The following CGGBP1 variants were observed in gnomAD, a reference collection of about 807,000 sequenced individuals.
CGGBP1 encodes CGG triplet repeat binding protein 1.
Under a neutral mutation model 11.4 loss-of-function variants are expected in CGGBP1, and 4 were observed. The observed-to-expected ratio is 0.35, with a 90% CI of 0.17 to 0.80. The LOEUF (loss-of-function observed/expected upper bound fraction) is 0.80, where lower values mean the gene tolerates loss of function less well. Ranked by LOEUF, CGGBP1 falls within the 30% of genes least tolerant of loss-of-function variation. The pLI, the probability that CGGBP1 is intolerant of heterozygous loss-of-function variation, is 0.52. For synonymous variants in CGGBP1, 76 were observed against 74.1 expected, an observed-to-expected ratio of 1.03 and a Z score of -0.13; for missense variants, 135 against 202.1, an observed-to-expected ratio of 0.67 and a Z score of 2.01.
intron 1 of CGGBP1, among the ~76,000 whole-genome samples, 158 bp from the exon 2 acceptor site, chr3:88,058,381 T>C (rs1428254163): frequency 6.6e-6 from 1 of 152,174 alleles, no homozygotes; most frequent in Non-Finnish European, 1.5e-5. Context: ...ACCCTAACAC[T>C]TCCCCTCCCA....
intron 2 of CGGBP1, among the ~76,000 whole-genome samples, chr3:88,101,999 A>G (rs2107720628): frequency 6.6e-6 from 1 of 151,516 alleles, no homozygotes; most frequent in Non-Finnish European, 1.5e-5. Context: ...AAATTGTATT[A>G]TTTGTCATCT....
upstream of CGGBP1, among the ~76,000 whole-genome samples, chr3:88,062,194 T>C (rs1706924254): frequency 6.6e-6 from 1 of 152,116 alleles, no homozygotes; most frequent in Non-Finnish European, 1.5e-5. Context: ...GGATGAAAGG[T>C]AGGGGAAAGT....
chr3:88,122,130 C>T (rs1204157948), intron 2 of CGGBP1, among the ~76,000 whole-genome samples: 3 of 151,992 alleles, frequency 2.0e-5, no homozygotes, highest in Non-Finnish European at 1.5e-5. Flanking sequence ...ATTAAGGTAG[C>T]TAGTAGAAGC....
chr3:88,065,545 A>G (rs1707148069), intron 2 of CGGBP1, among the ~76,000 whole-genome samples: 1 of 152,310 alleles, frequency 6.6e-6, no homozygotes, highest in Non-Finnish European at 1.5e-5. Context: ...ACCTTTGTAA[A>G]TAAAAAGACT....
intron 2 of CGGBP1, among the ~76,000 whole-genome samples, chr3:88,068,177 A>T (rs1427569845): frequency 6.6e-6 from 1 of 151,692 alleles, no homozygotes; most frequent in African/African-American, 2.4e-5. Flanking sequence ...GATCATTGTG[A>T]ATGCAGAGTG....
At chr3:88,099,508 C>G (rs995934423) in intron 2 of CGGBP1, among the ~76,000 whole-genome samples, 14 of 151,994 alleles carry the variant, frequency 9.2e-5, no homozygotes, top group African/African-American at 3.4e-4. Context: ...AAAAAGAGCC[C>G]GCATTGCCAA....
chr3:88,079,757 CTT>C (rs1707987863), intron 2 of CGGBP1, among the ~76,000 whole-genome samples: 1 of 151,998 alleles, frequency 6.6e-6, no homozygotes, highest in Admixed American at 6.6e-5. Flanking sequence ...AAGATTCTGT[CTT>C]ATTACATTTA....
chr3:88,105,849 G>T (rs560191326), intron 2 of CGGBP1, among the ~76,000 whole-genome samples: 14 of 152,286 alleles, frequency 9.2e-5, no homozygotes, highest in Non-Finnish European at 2.1e-4. Context: ...AATTGGAATT[G>T]TAACAGTATT....
At chr3:88,127,764 T>C (rs1706206611) in intron 2 of CGGBP1, among the ~76,000 whole-genome samples, 1 of 152,178 alleles carries the variant, frequency 6.6e-6, no homozygotes, top group Non-Finnish European at 1.5e-5. Flanking sequence ...TAAATACTCC[T>C]TTGATACCTA....
intron 2 of CGGBP1, among the ~76,000 whole-genome samples, chr3:88,116,511 C>G (rs929513823): frequency 6.7e-6 from 1 of 149,238 alleles, no homozygotes; most frequent in African/African-American, 2.5e-5. Context: ...GCAACAAGAG[C>G]GAAACTCTGT....
intron 2 of CGGBP1, among the ~76,000 whole-genome samples, chr3:88,092,158 A>C (rs2107682030): frequency 6.6e-6 from 1 of 152,340 alleles, no homozygotes; most frequent in South Asian, 2.1e-4. Flanking sequence ...ATGGGGAAAT[A>C]GCAACATGTT....
At chr3:88,065,019 GATA>G (rs1182627839) in intron 2 of CGGBP1, among the ~76,000 whole-genome samples, 5 of 152,166 alleles carry the variant, frequency 3.3e-5, no homozygotes, top group African/African-American at 4.8e-5. Flanking sequence ...TAATTGCATT[GATA>G]ATAATTTTTA....
At chr3:88,144,985 G>A (rs551756349) in intron 1 of CGGBP1, among the ~76,000 whole-genome samples, 155 of 151,948 alleles carry the variant, frequency 1.0e-3, no homozygotes, top group African/African-American at 3.5e-3. Context: ...AGTAGGTGTC[G>A]GAACTCTCCG....
intron 2 of CGGBP1, among the ~76,000 whole-genome samples, chr3:88,088,877 A>G (rs1339967345): frequency 2.0e-5 from 3 of 151,872 alleles, no homozygotes; most frequent in African/African-American, 7.2e-5. Context: ...GGTTCAAGCA[A>G]TTCTCCTGCC....
intron 2 of CGGBP1, among the ~76,000 whole-genome samples, chr3:88,133,670 ACTC>A (rs1207673151): frequency 6.6e-6 from 1 of 152,028 alleles, no homozygotes; most frequent in Non-Finnish European, 1.5e-5. Flanking sequence ...AAATCCTGAA[ACTC>A]CTAACTCTAC....
intron 2 of CGGBP1, among the ~76,000 whole-genome samples, chr3:88,072,001 C>T (rs1707543847): frequency 6.6e-6 from 1 of 152,206 alleles, no homozygotes; most frequent in South Asian, 2.1e-4. Context: ...TACTATCAAT[C>T]AGTTGAATAT....
intron 1 of CGGBP1, among the ~76,000 whole-genome samples, 180 bp downstream of exon 1, chr3:88,058,635 G>A (rs915223814): frequency 6.6e-5 from 10 of 152,210 alleles, no homozygotes; most frequent in African/African-American, 2.2e-4. Context: ...TCTCAAGGGA[G>A]GCGGCGGCAG....
intron 2 of CGGBP1, among the ~76,000 whole-genome samples, chr3:88,094,245 A>C (rs1445994867): frequency 6.6e-6 from 1 of 152,032 alleles, no homozygotes; most frequent in African/African-American, 2.4e-5. Context: ...AAAAACTCTT[A>C]GTGCATTTGT....
chr3:88,097,080 A>G (rs1704108626), intron 2 of CGGBP1, among the ~76,000 whole-genome samples: 1 of 152,108 alleles, frequency 6.6e-6, no homozygotes, highest in Admixed American at 6.6e-5. Context: ...TTACTAATGG[A>G]TAGTTCTTGT....
Sources: gnomAD v4.1 joint callset for allele counts (sites outside exome capture counted in the v4.1 genomes callset) on GRCh38, gnomAD v4.1.1 for gene constraint, MANE v1.5 for transcripts, NCBI Gene and HGNC (gene_info 2026-07-23, HGNC 2026-07-21) for gene names.